The following EVX1 variants were observed in gnomAD, a reference collection of about 807,000 sequenced individuals.
The protein encoded by EVX1 is even-skipped homeobox 1.
In EVX1, 19 loss-of-function variants were observed where a neutral mutation model predicts 28.6. The observed-to-expected ratio is 0.67, with a 90% CI of 0.46 to 0.98. The LOEUF is 0.98. EVX1 is among the 50% of genes least tolerant of loss of function. The pLI, the probability that EVX1 is intolerant of heterozygous loss-of-function variation, is 0.00. For missense variants in EVX1, 660 were observed against 583.0 expected (o/e 1.13, Z -1.36); for synonymous variants, 324 against 278.2 (o/e 1.16, Z -1.64).
At position 27,245,980 on chromosome 7, in the gene EVX1, T is replaced by G; in HGVS notation, c.779T>G (p.Met260Arg). 1 of 1,605,700 alleles carries G rather than the reference T, an allele frequency of 6.2e-7. No individual in the cohort carries two copies. Among genetic ancestry groups the G allele is most frequent in the Non-Finnish European group, 8.5e-7 (1 of 1,179,746 alleles). ...PADPAFYTYM[M>R]SHAAAAGGLP... The stretch of plus-strand genomic sequence containing the variant: ...GACCCCGCCTTCTACACTTACATGA[T>G]GAGCCATGCGGCGGCCGCGGGCGGC... The change falls in exon 3 of 3, where the codon ATG becomes AGG. Residue 260 changes from methionine (M) to arginine (R), a missense_variant. Physicochemically the swap from Met to Arg is moderately conservative, Grantham distance 91. Transcript: ENST00000496902.
chr7:27,246,121 T>C lies in EVX1; in HGVS notation c.920T>C (p.Leu307Pro). Residue 307 changes from leucine (L) to proline (P), a missense_variant, in exon 3 of 3, where the codon CTC becomes CCC. Around this residue, in one of 3 missense-constraint regions of EVX1, gnomAD observed 299 missense variants for 241.3 expected, o/e 1.24. Coordinates refer to ENST00000496902, the MANE Select transcript of EVX1 (RefSeq NM_001989.5). ...CCCTTCAGCGGCTCGCTGCGCCCGC[T>C]CGACACGTTCCGCGTGCTGTCGCAG... is the stretch of plus-strand genomic sequence containing the variant. ...ASPFSGSLRPLDTFRVLSQPY... is the reference protein window; with the variant it reads ...ASPFSGSLRPPDTFRVLSQPY... 1 of 1,539,536 alleles carries C rather than the reference T, an allele frequency of 6.5e-7. No homozygotes were observed. The highest frequency in any genetic ancestry group is 8.7e-7 in the Non-Finnish European group (1 of 1,152,692).
Position 27,246,364 on chromosome 7 carries a change from T to G in EVX1, c.1163T>G (p.Val388Gly). 6.2e-7 allele frequency: 1 copy of G among 1,603,116 alleles called. No individual in the cohort carries two copies. Among genetic ancestry groups the G allele is most frequent in the Non-Finnish European group, 8.5e-7 (1 of 1,178,830 alleles). Reference sequence around the variant, plus strand: ...TCCTTCCTCACCTTCGCGCCCTCGGTGCTCAGCAAGGCCTCCTCCGTCGCG... The same window carrying G: ...TCCTTCCTCACCTTCGCGCCCTCGGGGCTCAGCAAGGCCTCCTCCGTCGCG... ...SDSFLTFAPSVLSKASSVALD... is the reference protein window; with the variant it reads ...SDSFLTFAPSGLSKASSVALD... The change falls in exon 3 of 3, where the codon GTG becomes GGG. Residue 388 changes from valine to glycine, a missense_variant. Physicochemically the swap from Val to Gly is moderately radical, Grantham distance 109 (BLOSUM62 -3). Coordinates refer to ENST00000496902, the MANE Select transcript of EVX1 (RefSeq NM_001989.5).
In EVX1 at chr7:27,245,187, C is replaced by T. The variant is rs1248394089; in HGVS notation, c.567C>T (p.Ala189=). Residue 189 remains alanine (A), a synonymous_variant, in exon 2 of 3, where the codon GCC becomes GCT. Coordinates refer to ENST00000496902, the MANE Select transcript of EVX1 (RefSeq NM_001989.5). ...ACCAGATGCGTCGTTACCGCACCGCCTTCACCCGAGAGCAGATTGCGCGGC... is the reference window on the plus strand; with the variant it reads ...ACCAGATGCGTCGTTACCGCACCGCTTTCACCCGAGAGCAGATTGCGCGGC... ...ASDQMRRYRT[A]FTREQIARLE... is the part of the protein sequence containing the mutation. The T allele has an allele frequency of 4.3e-6, 7 of 1,613,630 alleles. No homozygotes were observed. Among genetic ancestry groups the T allele is most frequent in the Non-Finnish European group, 5.9e-6 (7 of 1,180,056 alleles).
Position 27,246,101 on chromosome 7 carries a change from C to T in EVX1, c.900C>T (p.Phe300=), listed in dbSNP as rs759208042. The change falls in exon 3 of 3, where the codon TTC becomes TTT. Residue 300 remains phenylalanine (F), a synonymous_variant. Coordinates refer to ENST00000496902, the MANE Select transcript of EVX1 (RefSeq NM_001989.5). ...CCGCCTCCGCCGCCGCCTCGCCCTT[C>T]AGCGGCTCGCTGCGCCCGCTCGACA... ...ASAASAAASP[F]SGSLRPLDTF... is the part of the protein sequence containing the mutation. 1.9e-5 allele frequency: 30 copies of T among 1,555,344 alleles called. No homozygotes were observed. The highest frequency in any genetic ancestry group is 2.2e-5 in the Non-Finnish European group (25 of 1,160,010).
In EVX1 at chr7:27,246,242, C is replaced by T. The variant is rs930459547; in HGVS notation, c.1041C>T (p.Cys347=). The T allele has an allele frequency of 3.5e-5, 54 of 1,538,080 alleles. No individual in the cohort carries two copies. Among genetic ancestry groups the T allele is most frequent in the African/African-American group, 7.0e-5 (5 of 71,590 alleles). ...HGLGASAGGP[C]SCLACHSGPA... ...TGGGCGCCTCTGCCGGCGGCCCCTG[C>T]TCCTGCCTCGCCTGTCACAGCGGCC... The change falls in exon 3 of 3, where the codon TGC becomes TGT. Residue 347 remains cysteine (C), a synonymous_variant. Coordinates refer to ENST00000496902, the MANE Select transcript of EVX1 (RefSeq NM_001989.5).
At position 27,245,128 on chromosome 7, in the gene EVX1, G is replaced by C. The variant is rs1417886078; in HGVS notation, c.508G>C (p.Gly170Arg). ...PKSNGGSGGG[G>R]SQGTLACSAS... ...GAGCAACGGCGGCAGTGGTGGGGGC[G>C]GCTCGCAAGGCACCCTGGCGTGCAG... The change falls in exon 2 of 3, where the codon GGC becomes CGC. Residue 170 changes from glycine (G) to arginine (R), a missense_variant. Physicochemically the swap from Gly to Arg is moderately radical, Grantham distance 125 (BLOSUM62 -2). Coordinates refer to ENST00000496902, the MANE Select transcript of EVX1 (RefSeq NM_001989.5). 2 of 1,612,904 alleles carry C rather than the reference G, an allele frequency of 1.2e-6. No homozygotes were observed. Among genetic ancestry groups the C allele is most frequent in the South Asian group, 1.1e-5 (1 of 91,084 alleles).
Position 27,245,939 on chromosome 7 carries a change from G to A in EVX1, c.738G>A (p.Thr246=), listed in dbSNP as rs1261359780. 6.2e-7 allele frequency: 1 copy of A among 1,601,172 alleles called. No homozygotes were observed. The highest frequency in any genetic ancestry group is 1.7e-5 in the Admixed American group (1 of 58,714). ...MKDKRQRLAM[T]WPHPADPAFY... is the part of the protein sequence containing the mutation. ...ACAAGCGGCAGCGCCTGGCCATGACGTGGCCGCACCCGGCGGACCCCGCCT... is the reference window on the plus strand; with the variant it reads ...ACAAGCGGCAGCGCCTGGCCATGACATGGCCGCACCCGGCGGACCCCGCCT... Residue 246 remains threonine (T), a synonymous_variant, in exon 3 of 3, where the codon ACG becomes ACA. Transcript: ENST00000496902.
Position 27,246,045 on chromosome 7 carries a change from T to C in EVX1, c.844T>C (p.Tyr282His). ...PFPSHLPLPY[Y>H]SPVGLGAASA... ...CCCATCGCACCTGCCCCTGCCCTAC[T>C]ACTCGCCGGTGGGCCTGGGCGCCGC... Residue 282 changes from tyrosine to histidine, a missense_variant, in exon 3 of 3, where the codon TAC (tyrosine) becomes CAC (histidine). Coordinates refer to ENST00000496902, the MANE Select transcript of EVX1 (RefSeq NM_001989.5). 1.3e-6 allele frequency: 2 copies of C among 1,586,770 alleles called. No homozygotes were observed. The highest frequency in any genetic ancestry group is 1.7e-6 in the Non-Finnish European group (2 of 1,172,590).
At position 27,247,003 on chromosome 7, in the gene EVX1, G is replaced by C; in HGVS notation, c.*578G>C. On this transcript the variant is annotated 3_prime_UTR_variant, in exon 3 of 3. Coordinates refer to ENST00000496902, the MANE Select transcript of EVX1 (RefSeq NM_001989.5). ...GAGTGAGAGATGATTTACTACCAGG[G>C]AGAATCCAGCCCCTTGGCATGGGAC... 1 of 153,762 alleles carries C rather than the reference G, an allele frequency of 6.5e-6. No individual in the cohort carries two copies. Among genetic ancestry groups the C allele is most frequent in the Non-Finnish European group, 1.4e-5 (1 of 69,206 alleles). The allele number at this position is 153,762 out of a possible 1,614,324, so 9.5% of individuals were successfully genotyped here.
chr7:27,242,924 T>G lies in EVX1; in HGVS notation c.-107T>G. 4.8e-6 allele frequency: 6 copies of G among 1,260,304 alleles called. No individual in the cohort carries two copies. The highest frequency in any genetic ancestry group is 6.3e-6 in the Non-Finnish European group (6 of 948,686). The allele number at this position is 1,260,304 out of a possible 1,614,324, so 78.1% of individuals were successfully genotyped here. On this transcript the variant is annotated 5_prime_UTR_variant, in exon 1 of 3. Coordinates refer to ENST00000496902, the MANE Select transcript of EVX1 (RefSeq NM_001989.5). ...CCGCGCCCTCCCAGGCACCCGGCCT[T>G]TCTTTCTCCCTCTTGCAACCAAGAT...
At chr7:27,245,850 G>T in intron 2 of EVX1, 36 bp from the exon 3 acceptor site, 1 of 1,596,716 alleles carries the variant, frequency 6.3e-7, no homozygotes, top group South Asian at 1.1e-5. Flanking sequence ...ATCGGGCCAA[G>T]TCCAGCTACT....
chr7:27,243,539 C>T (rs2115494010), intron 1 of EVX1, 82 bp downstream of exon 1: 1 of 1,442,322 alleles, frequency 6.9e-7, no homozygotes, highest in Non-Finnish European at 9.2e-7. Flanking sequence ...GAAGACACTC[C>T]CTTCCCCTAG....
intron 1 of EVX1, 163 bp downstream of exon 1, chr7:27,243,620 T>C: frequency 5.2e-6 from 4 of 763,846 alleles, no homozygotes; most frequent in East Asian, 3.0e-5. Context: ...GGTCTCCTAC[T>C]GTGTTCTGGC....
At chr7:27,243,862 C>T (rs534158493) in intron 1 of EVX1, 19 of 166,460 alleles carry the variant, frequency 1.1e-4, no homozygotes, top group Admixed American at 3.1e-4. Context: ...GGCGCGGAAG[C>T]CAGGAGTCCA....
At position 27,242,867 on chromosome 7, in the gene EVX1, G is replaced by T; in HGVS notation, c.-164G>T. ...GACCCTAGCTCCCACCGCCACCGCC[G>T]CGGTCGCGGTCCAGACCGCGCTCCA... On this transcript the variant is annotated 5_prime_UTR_variant, in exon 1 of 3. Transcript: ENST00000496902. The T allele has an allele frequency of 1.4e-6, 1 of 699,330 alleles. No homozygotes were observed. Among genetic ancestry groups the T allele is most frequent in the South Asian group, 2.1e-5 (1 of 48,630 alleles). The allele number at this position is 699,330 out of a possible 1,614,324, so 43.3% of individuals were successfully genotyped here. A position where few individuals can be genotyped will look rare whatever the true frequency, so the allele number is the denominator to read the frequency against.
chr7:27,243,574 C>G, intron 1 of EVX1, 117 bp downstream of exon 1: 1 of 1,089,756 alleles, frequency 9.2e-7, no homozygotes, highest in Non-Finnish European at 1.3e-6. Flanking sequence ...GGGGACCCAC[C>G]TGAGCAACTC....
At position 27,243,441 on chromosome 7, in the gene EVX1, G is replaced by A; in HGVS notation, c.411G>A (p.Glu137=). Residue 137 remains glutamate, a synonymous_variant, in exon 1 of 3, where the codon GAG becomes GAA. Coordinates refer to ENST00000496902, the MANE Select transcript of EVX1 (RefSeq NM_001989.5). The part of the protein sequence containing the change: ...CTPDCATGNA[E]YQHSKGSGSE... Reference sequence around the variant, plus strand: ...CGGACTGCGCCACCGGGAACGCCGAGTACCAGCACAGCAAAGGTAGCCACC... The same window carrying A: ...CGGACTGCGCCACCGGGAACGCCGAATACCAGCACAGCAAAGGTAGCCACC... 1 of 1,604,182 alleles carries A rather than the reference G, an allele frequency of 6.2e-7. No individual in the cohort carries two copies. The highest frequency in any genetic ancestry group is 8.5e-7 in the Non-Finnish European group (1 of 1,176,126).
intron 1 of EVX1, chr7:27,244,073 C>G (rs1431164843): frequency 6.6e-6 from 1 of 152,438 alleles, no homozygotes; most frequent in African/African-American, 2.4e-5. Flanking sequence ...TCCCCCCTTC[C>G]CCTTTCCTTC....
At chr7:27,244,500 T>C (rs1351798711) in intron 1 of EVX1, 3 of 988,074 alleles carry the variant, frequency 3.0e-6, no homozygotes, top group African/African-American at 3.5e-5. Flanking sequence ...CAACCTGGAC[T>C]CCACTCACAT....
Sources: gnomAD v4.1 joint callset for allele counts on GRCh38, gnomAD v4.1.1 for gene constraint, gnomAD v4.1.1 regional missense constraint, MANE v1.5 for transcripts, NCBI Gene and HGNC (gene_info 2026-07-23, HGNC 2026-07-21) for gene names.